The following CCSER1 variants were observed in gnomAD, a reference collection of about 807,000 sequenced individuals.
The protein encoded by CCSER1 is serine-rich coiled-coil domain-containing protein 1.
A neutral mutation model predicts 82.0 loss-of-function variants in CCSER1; 41 were observed. That is an observed-to-expected ratio of 0.50 (90% CI 0.39 to 0.65). The LOEUF is 0.65. Among genes scored for constraint, CCSER1 ranks in the 30% least tolerant of loss-of-function variants. The pLI is 0.00. For synonymous variants in CCSER1, 414 were observed against 383.9 expected (o/e 1.08, Z -0.92); for missense variants, 1,119 against 1,064.2 (o/e 1.05, Z -0.72).
At chr4:91,115,962 T>C (rs963689064) in intron 10 of CCSER1, among the ~76,000 whole-genome samples, 1 of 151,456 alleles carries the variant, frequency 6.6e-6, no homozygotes, top group Non-Finnish European at 1.5e-5. Flanking sequence ...GCCATTAACT[T>C]GTCATTTACA....
chr4:90,923,288 C>A, intron 8 of CCSER1, 82 bp from the exon 9 acceptor site: 1 of 973,616 alleles, frequency 1.0e-6, no homozygotes, highest in South Asian at 1.4e-5. Context: ...ATACACTAAT[C>A]AAATTTTAAT....
chr4:91,208,060 A>C (rs189982637), intron 10 of CCSER1, among the ~76,000 whole-genome samples: 56 of 151,914 alleles, frequency 3.7e-4, no homozygotes, highest in Non-Finnish European at 5.9e-5. Flanking sequence ...TCCTCTGTTC[A>C]CTATTTAATG....
At chr4:90,999,600 G>GT (rs1737811227) in intron 9 of CCSER1, among the ~76,000 whole-genome samples, 1 of 152,046 alleles carries the variant, frequency 6.6e-6, no homozygotes, top group African/African-American at 2.4e-5. Context: ...TTGTTAAGTT[G>GT]TTTAAGTTTC....
At chr4:90,226,221 C>T (rs6532217) in intron 1 of CCSER1, among the ~76,000 whole-genome samples, 92,987 of 152,158 alleles carry the variant, frequency 0.61, 29,757 homozygotes, top group East Asian at 0.83. Flanking sequence ...AAAAGCCAGC[C>T]AGCTGAGCCT....
At chr4:91,096,228 T>C (rs1294814832) in intron 10 of CCSER1, among the ~76,000 whole-genome samples, 1 of 150,320 alleles carries the variant, frequency 6.7e-6, no homozygotes, top group Non-Finnish European at 1.5e-5. Context: ...AAGGGAGGAG[T>C]TTCTCCTGCA....
chr4:91,300,575 A>T (rs111255665), intron 10 of CCSER1, among the ~76,000 whole-genome samples: 2,299 of 152,002 alleles, frequency 0.015, 70 homozygotes, highest in African/African-American at 0.051. Context: ...TATTTTAAAA[A>T]TGATTTCCAC....
At chr4:90,302,254 A>G (rs1420273239) in intron 1 of CCSER1, among the ~76,000 whole-genome samples, 1 of 152,236 alleles carries the variant, frequency 6.6e-6, no homozygotes, top group African/African-American at 2.4e-5. Context: ...TTAAGACAAA[A>G]TAGTAAATTG....
At chr4:90,649,787 C>CAAAGAAATGTATTTCTTAGTGA (rs1431639332) in intron 6 of CCSER1, among the ~76,000 whole-genome samples, 5 of 151,958 alleles carry the variant, frequency 3.3e-5, no homozygotes, top group African/African-American at 1.2e-4. Flanking sequence ...AATACATTTC[C>CAAAGAAATGTATTTCTTAGTGA]AAAGAAAGTA....
At chr4:90,455,862 G>A (rs1168808377) in intron 4 of CCSER1, among the ~76,000 whole-genome samples, 6 of 152,106 alleles carry the variant, frequency 3.9e-5, no homozygotes, top group Admixed American at 6.5e-5. Context: ...GCTCACCTGC[G>A]CCGTGCCCCC....
chr4:90,572,574 T>C (rs1361675455), intron 5 of CCSER1, among the ~76,000 whole-genome samples: 1 of 132,980 alleles, frequency 7.5e-6, no homozygotes, highest in Non-Finnish European at 1.5e-5. Context: ...TGAGCGCACG[T>C]TATTATTATT....
intron 7 of CCSER1, among the ~76,000 whole-genome samples, chr4:90,744,175 G>A (rs1747012272): frequency 6.6e-6 from 1 of 152,166 alleles, no homozygotes; most frequent in Admixed American, 6.5e-5. Flanking sequence ...TGGGAGTTGA[G>A]GAGAGACAAA....
chr4:90,940,913 TC>T (rs1731510190), intron 9 of CCSER1, among the ~76,000 whole-genome samples: 1 of 152,260 alleles, frequency 6.6e-6, no homozygotes, highest in Non-Finnish European at 1.5e-5. Context: ...TTTTCCTGAT[TC>T]CAAAATGCTG....
At chr4:91,112,398 GTATT>G (rs1317779872) in intron 10 of CCSER1, among the ~76,000 whole-genome samples, 2 of 151,846 alleles carry the variant, frequency 1.3e-5, no homozygotes, top group African/African-American at 4.8e-5. Context: ...CCAGACCTAT[GTATT>G]TATTTACTTG....
intron 9 of CCSER1, among the ~76,000 whole-genome samples, chr4:91,079,424 G>C (rs1722428534): frequency 1.3e-5 from 2 of 152,260 alleles, no homozygotes; most frequent in South Asian, 2.1e-4. Context: ...CTGGAAGGAA[G>C]TACTAAACAT....
Position 90,865,749 on chromosome 4 carries a change from A to G in CCSER1, c.2094+49904A>G, listed in dbSNP as rs1226413114. 1.3e-5 allele frequency among the ~76,000 whole-genome samples: 2 copies of G among 151,756 alleles called. 1 individual carries two copies. Among genetic ancestry groups the G allele is most frequent in the African/African-American group, 4.8e-5 (2 of 41,326 alleles). The stretch of plus-strand genomic sequence containing the variant: ...ACAACAATGCAACTTTATCTTCTCA[A>G]TTTTTTTTATTTCCTTATCCCTCTC... On this transcript the variant is annotated intron_variant, in intron 8 of 10. Transcript: ENST00000509176.
intron 1 of CCSER1, among the ~76,000 whole-genome samples, chr4:90,254,284 C>T (rs954606404): frequency 2.0e-5 from 3 of 152,150 alleles, no homozygotes; most frequent in Non-Finnish European, 4.4e-5. Flanking sequence ...GGGCAGTACC[C>T]CTGCACCAGT....
chr4:91,187,487 G>GT (rs1734653719), intron 10 of CCSER1, among the ~76,000 whole-genome samples: 1 of 151,710 alleles, frequency 6.6e-6, no homozygotes, highest in African/African-American at 2.4e-5. Flanking sequence ...AGGGTTGTTT[G>GT]GTAATACAAA....
At chr4:91,485,910 T>G (rs1758195711) in intron 10 of CCSER1, among the ~76,000 whole-genome samples, 1 of 152,082 alleles carries the variant, frequency 6.6e-6, no homozygotes, top group Non-Finnish European at 1.5e-5. Flanking sequence ...AATAGGAATA[T>G]CTACATGAAT....
intron 8 of CCSER1, among the ~76,000 whole-genome samples, chr4:90,903,141 T>C (rs957595138): frequency 1.3e-5 from 2 of 152,066 alleles, no homozygotes; most frequent in Non-Finnish European, 2.9e-5. Context: ...CAAAATCATA[T>C]TGATATGGTT....
Sources: allele counts gnomAD v4.1 joint callset (sites outside exome capture counted in the v4.1 genomes callset), GRCh38; gene constraint gnomAD v4.1.1; transcripts MANE v1.5; gene names NCBI Gene and HGNC (gene_info 2026-07-23, HGNC 2026-07-21).